The following KLHL9 variants were observed in gnomAD, a reference collection of about 807,000 sequenced individuals.
The protein encoded by KLHL9 is kelch like family member 9.
Under a neutral mutation model 42.3 loss-of-function variants are expected in KLHL9, and 27 were observed. The ratio of observed to expected loss-of-function variants is 0.64; its 90% CI spans 0.47 to 0.88. The LOEUF is 0.88. Among genes scored for constraint, KLHL9 ranks in the 40% least tolerant of loss-of-function variants. The pLI is 0.00. For missense variants in KLHL9, 629 were observed against 750.3 expected (o/e 0.84, Z 1.89); for synonymous variants, 274 against 254.4 (o/e 1.08, Z -0.73).
chr9:21,334,323 C>A lies in KLHL9; in HGVS notation c.537G>T (p.Lys179Asn), dbSNP rs1273250517. Residue 179 changes from lysine (K) to asparagine (N), a missense_variant, in exon 1 of 1, where the codon AAG becomes AAT. This residue lies in a region of KLHL9 where 351 missense variants were observed against 363.1 expected (regional missense o/e 0.97). Transcript: ENST00000359039. The surrounding 1 kb of genome is among the most constrained non-coding windows in gnomAD (Gnocchi z 5.1). ...CAGTACTCAATAAAGCAGGAAAGTT[C>A]TTCAGGATGAAATTATTAACATATT... Reference protein sequence around the residue: ...VDKYVNNFILKNFPALLSTGE... With the variant: ...VDKYVNNFILNNFPALLSTGE... The A allele has an allele frequency of 6.2e-7, 1 of 1,613,812 alleles. No homozygotes were observed. The highest frequency in any genetic ancestry group is 1.3e-5 in the African/African-American group (1 of 74,884).
Position 21,334,932 on chromosome 9 carries a change from G to A in KLHL9, c.-73C>T, listed in dbSNP as rs1042860181. On this transcript the variant is annotated 5_prime_UTR_variant, in exon 1 of 1. Transcript: ENST00000359039. The surrounding 1 kb of genome is among the most constrained non-coding windows in gnomAD (Gnocchi z 5.1). ...ATAACCGGAATGTTTTACAGGTAAC[G>A]AGGTGTCCAGAAAGAACAGAAAGCT... 2 of 1,589,396 alleles carry A rather than the reference G, an allele frequency of 1.3e-6. No homozygotes were observed. Among genetic ancestry groups the A allele is most frequent in the East Asian group, 2.2e-5 (1 of 44,502 alleles).
chr9:21,334,806 A>T lies in KLHL9; in HGVS notation c.54T>A (p.Pro18=), dbSNP rs756411627. Residue 18 remains proline (P), a synonymous_variant, in exon 1 of 1, where the codon CCT becomes CCA. Transcript: ENST00000359039. The surrounding 1 kb of genome is among the most constrained non-coding windows in gnomAD (Gnocchi z 5.1). ...GEMGVSAHLQ[P]CKAGTTRFFT... ...AAAAGCGTGTGGTTCCTGCCTTACA[A>T]GGCTGCAAATGGGCAGAGACGCCCA... 1 of 1,613,728 alleles carries T rather than the reference A, an allele frequency of 6.2e-7. No homozygotes were observed. Among genetic ancestry groups the T allele is most frequent in the Non-Finnish European group, 8.5e-7 (1 of 1,179,868 alleles).
rs1820213563 is a variant in KLHL9, at chr9:21,333,697, TTTTCA to T, written c.1158_1162del (p.Asn386LysfsTer25). On this transcript the variant is annotated frameshift_variant, in exon 1 of 1. Transcript: ENST00000359039. LOFTEE classifies it high-confidence loss of function. This position sits in a 1 kb window ranked among gnomAD's most constrained non-coding sequence, Gnocchi z 7.5. Reference sequence around the variant, plus strand: ...GGCACTCAAGTGAAAGAATGTGCGCTTTTCATTTAATGATGCAACCTGCATCCATT... The same window carrying T: ...GGCACTCAAGTGAAAGAATGTGCGCTTTTAATGATGCAACCTGCATCCATT... 1 of 1,614,246 alleles carries T rather than the reference TTTTCA, an allele frequency of 6.2e-7. No homozygotes were observed. Among genetic ancestry groups the T allele is most frequent in the Non-Finnish European group, 8.5e-7 (1 of 1,180,056 alleles).
At position 21,334,398 on chromosome 9, in the gene KLHL9, A is replaced by G; in HGVS notation, c.462T>C (p.Cys154=). 6.2e-7 allele frequency: 1 copy of G among 1,614,006 alleles called. No individual in the cohort carries two copies. The highest frequency in any genetic ancestry group is 8.5e-7 in the Non-Finnish European group (1 of 1,179,980). ...TGTTAGCAATTCGTCCAACCTCAAC[A>G]CAGTTATCCAAAGAGACTCCTGATA... The part of the protein sequence containing the change: ...FLISGVSLDN[C]VEVGRIANTY... Residue 154 remains cysteine, a synonymous_variant, in exon 1 of 1, where the codon TGT becomes TGC. Coordinates refer to ENST00000359039, the MANE Select transcript of KLHL9 (RefSeq NM_018847.4). This position sits in a 1 kb window ranked among gnomAD's most constrained non-coding sequence, Gnocchi z 5.1.
rs1463112154 is a variant in KLHL9, at chr9:21,332,976, G to T, written c.*30C>A. On this transcript the variant is annotated 3_prime_UTR_variant, in exon 1 of 1. Transcript: ENST00000359039. Reference sequence around the variant, plus strand: ...GAAGGGGAAGTATTAGATCACCCATGACGTACTGCAAAGGTGTTACACCTT... The same window carrying T: ...GAAGGGGAAGTATTAGATCACCCATTACGTACTGCAAAGGTGTTACACCTT... 1 of 1,613,670 alleles carries T rather than the reference G, an allele frequency of 6.2e-7. No individual in the cohort carries two copies. Among genetic ancestry groups the T allele is most frequent in the Non-Finnish European group, 8.5e-7 (1 of 1,179,806 alleles).
In KLHL9 at chr9:21,333,858, A is replaced by G. The variant is rs779292562; in HGVS notation, c.1002T>C (p.Asp334=). ...CAATACCATGCTGGTAACGGGGAGCATCCATTGGGGCTAAAGATCTCCATT... is the reference window on the plus strand; with the variant it reads ...CAATACCATGCTGGTAACGGGGAGCGTCCATTGGGGCTAAAGATCTCCATT... ...AQEWRSLAPM[D]APRYQHGIAV... is the part of the protein sequence containing the mutation. Residue 334 remains aspartate, a synonymous_variant, in exon 1 of 1, where the codon GAT becomes GAC. Coordinates refer to ENST00000359039, the MANE Select transcript of KLHL9 (RefSeq NM_018847.4). The surrounding 1 kb of genome is among the most constrained non-coding windows in gnomAD (Gnocchi z 7.5). 6.2e-7 allele frequency: 1 copy of G among 1,613,990 alleles called. No individual in the cohort carries two copies. Among genetic ancestry groups the G allele is most frequent in the Non-Finnish European group, 8.5e-7 (1 of 1,180,014 alleles).
chr9:21,329,779 T>A lies in KLHL9; in HGVS notation c.*3227A>T, dbSNP rs575749730. The A allele has an allele frequency of 2.2e-3, 331 of 150,204 alleles. 4 individuals carry two copies. Among genetic ancestry groups the A allele is most frequent in the African/African-American group, 7.6e-3 (313 of 41,152 alleles). The allele number at this position is 150,204 out of a possible 1,614,324, so 9.3% of individuals were successfully genotyped here. On this transcript the variant is annotated 3_prime_UTR_variant, in exon 1 of 1. Coordinates refer to ENST00000359039, the MANE Select transcript of KLHL9 (RefSeq NM_018847.4). ...ACATATGTACGTATATATATATATA[T>A]AATATACTATTAATAGAAATTATCT...
Position 21,334,585 on chromosome 9 carries a change from C to T in KLHL9, c.275G>A (p.Cys92Tyr), listed in dbSNP as rs1456840446. The T allele has an allele frequency of 6.2e-7, 1 of 1,614,130 alleles. No individual in the cohort carries two copies. The highest frequency in any genetic ancestry group is 8.5e-7 in the Non-Finnish European group (1 of 1,179,994). The change falls in exon 1 of 1, where the codon TGC (cysteine) becomes TAC (tyrosine). Residue 92 changes from cysteine (C) to tyrosine (Y), a missense_variant. Coordinates refer to ENST00000359039, the MANE Select transcript of KLHL9 (RefSeq NM_018847.4). The surrounding 1 kb of genome is among the most constrained non-coding windows in gnomAD (Gnocchi z 5.1). ...CTTGTTCACCCCATGAAGCTTAATGCACATCAAATCTTGTTCTTTCATTCC... is the reference window on the plus strand; with the variant it reads ...CTTGTTCACCCCATGAAGCTTAATGTACATCAAATCTTGTTCTTTCATTCC... The part of the protein sequence containing the change: ...TGGMKEQDLM[C>Y]IKLHGVNKVG...
Position 21,333,133 on chromosome 9 carries a change from TTA to T in KLHL9, c.1725_1726del (p.His575GlnfsTer4). 1 of 1,614,172 alleles carries T rather than the reference TTA, an allele frequency of 6.2e-7. No individual in the cohort carries two copies. Among genetic ancestry groups the T allele is most frequent in the Non-Finnish European group, 8.5e-7 (1 of 1,180,022 alleles). On this transcript the variant is annotated frameshift_variant, in exon 1 of 1. Coordinates refer to ENST00000359039, the MANE Select transcript of KLHL9 (RefSeq NM_018847.4). LOFTEE classifies it high-confidence loss of function. This position sits in a 1 kb window ranked among gnomAD's most constrained non-coding sequence, Gnocchi z 7.5. ...AAGTGACTCTGGAAGATCAAAAACTTTATGCCACTCATCTTTTTCTGGGTCAT... is the reference window on the plus strand; with the variant it reads ...AAGTGACTCTGGAAGATCAAAAACTTTGCCACTCATCTTTTTCTGGGTCAT...
Position 21,330,920 on chromosome 9 carries a change from C to CA in KLHL9, c.*2085dup, listed in dbSNP as rs201839399. On this transcript the variant is annotated 3_prime_UTR_variant, in exon 1 of 1. Transcript: ENST00000359039. ...ACTGCACAACAGTGAGACCCTGTCTCAAAAAAAAAAAAAGACAAATTTGAT... is the reference window on the plus strand; with the variant it reads ...ACTGCACAACAGTGAGACCCTGTCTCAAAAAAAAAAAAAAGACAAATTTGAT... The CA allele has an allele frequency of 0.025, 2,950 of 120,284 alleles. 76 individuals carry two copies. Among genetic ancestry groups the CA allele is most frequent in the African/African-American group, 0.077 (2,514 of 32,444 alleles). The allele number at this position is 120,284 out of a possible 1,614,324, so 7.5% of individuals were successfully genotyped here. A position where few individuals can be genotyped will look rare whatever the true frequency, so the allele number is the denominator to read the frequency against.
In KLHL9 at chr9:21,334,304, T is replaced by A. The variant is rs1252982750; in HGVS notation, c.556A>T (p.Ser186Cys). 1 of 1,614,084 alleles carries A rather than the reference T, an allele frequency of 6.2e-7. No homozygotes were observed. The highest frequency in any genetic ancestry group is 1.7e-5 in the Admixed American group (1 of 60,028). ...FILKNFPALL[S>C]TGEFLKLPFE... ...GGGAGTTTTAGAAACTCCCCAGTAC[T>A]CAATAAAGCAGGAAAGTTCTTCAGG... The change falls in exon 1 of 1, where the codon AGT becomes TGT. Residue 186 changes from serine to cysteine, a missense_variant. Ser to Cys is a moderately radical substitution (Grantham distance 112). Around this residue, in one of 4 missense-constraint regions of KLHL9, gnomAD observed 351 missense variants for 363.1 expected, o/e 0.97. Transcript: ENST00000359039. This position sits in a 1 kb window ranked among gnomAD's most constrained non-coding sequence, Gnocchi z 5.1.
chr9:21,335,190 G>A lies in KLHL9; in HGVS notation c.-331C>T. ...TCGGGCAAGGAAGAGGCGCCGCCACGTACTGTGGCTCCACGGCCCGCTCGG... is the reference window on the plus strand; with the variant it reads ...TCGGGCAAGGAAGAGGCGCCGCCACATACTGTGGCTCCACGGCCCGCTCGG... On this transcript the variant is annotated 5_prime_UTR_variant, in exon 1 of 1. The change creates a new upstream start codon in the 5' untranslated region. Transcript: ENST00000359039. The A allele has an allele frequency of 2.0e-6, 1 of 507,938 alleles. No homozygotes were observed. The highest frequency in any genetic ancestry group is 3.5e-6 in the Non-Finnish European group (1 of 281,710). The allele number at this position is 507,938 out of a possible 1,614,324, so 31.5% of individuals were successfully genotyped here. A position where few individuals can be genotyped will look rare whatever the true frequency, so the allele number is the denominator to read the frequency against.
Position 21,335,075 on chromosome 9 carries a change from T to A in KLHL9, c.-216A>T. 1.6e-6 allele frequency: 1 copy of A among 609,452 alleles called. No individual in the cohort carries two copies. Among genetic ancestry groups the A allele is most frequent in the East Asian group, 2.8e-5 (1 of 35,380 alleles). The allele number at this position is 609,452 out of a possible 1,614,324, so 37.8% of individuals were successfully genotyped here. On this transcript the variant is annotated 5_prime_UTR_variant, in exon 1 of 1. Transcript: ENST00000359039. The stretch of plus-strand genomic sequence containing the variant: ...AAGGGCTGTGGACCTCAAATCTGAT[T>A]ATTAGACAGATGATTCATCACCTGA...
chr9:21,331,229 T>C lies in KLHL9; in HGVS notation c.*1777A>G, dbSNP rs572574474. ...TTCAATAAAGTTAATAATTTCTAATTTTTCTACTTTTCAAATGTACTCAAA... is the reference window on the plus strand; with the variant it reads ...TTCAATAAAGTTAATAATTTCTAATCTTTCTACTTTTCAAATGTACTCAAA... On this transcript the variant is annotated 3_prime_UTR_variant, in exon 1 of 1. Coordinates refer to ENST00000359039, the MANE Select transcript of KLHL9 (RefSeq NM_018847.4). 5.9e-5 allele frequency: 9 copies of C among 152,626 alleles called. No homozygotes were observed. In the South Asian group the frequency reaches 1.9e-3, roughly 32 times the overall value. The allele number at this position is 152,626 out of a possible 1,614,324, so 9.5% of individuals were successfully genotyped here.
rs1820142382 is a variant in KLHL9, at chr9:21,329,976, T to C, written c.*3030A>G. On this transcript the variant is annotated 3_prime_UTR_variant, in exon 1 of 1. Transcript: ENST00000359039. ...CTTTTAGTTTTTATCCTCTAAATAT[T>C]TTTCCAGTCTGAACTTTCTTTAAAA... is the stretch of plus-strand genomic sequence containing the variant. 6.6e-6 allele frequency: 1 copy of C among 151,856 alleles called. No homozygotes were observed. The highest frequency in any genetic ancestry group is 1.5e-5 in the Non-Finnish European group (1 of 67,904). 9.4% of individuals were successfully genotyped at this position (151,856 alleles called of 1,614,324 possible). A position where few individuals can be genotyped will look rare whatever the true frequency, so the allele number is the denominator to read the frequency against.
chr9:21,329,903 A>T lies in KLHL9; in HGVS notation c.*3103T>A, dbSNP rs1270467463. On this transcript the variant is annotated 3_prime_UTR_variant, in exon 1 of 1. Coordinates refer to ENST00000359039, the MANE Select transcript of KLHL9 (RefSeq NM_018847.4). ...AGCTAACAAATGTTAATTTTTGAAT[A>T]CTTTCCGAAAAACTAAAACAAGAAA... 6.6e-6 allele frequency: 1 copy of T among 152,144 alleles called. No homozygotes were observed. Among genetic ancestry groups the T allele is most frequent in the Non-Finnish European group, 1.5e-5 (1 of 68,004 alleles). 9.4% of individuals were successfully genotyped at this position (152,144 alleles called of 1,614,324 possible).
In KLHL9 at chr9:21,332,596, A is replaced by C. The variant is rs1820192574; in HGVS notation, c.*410T>G. On this transcript the variant is annotated 3_prime_UTR_variant, in exon 1 of 1. Transcript: ENST00000359039. ...TCGAGTAAGTTGACAGACATGACAAAAACTACGAAAAGAGGGAGGTAACTA... is the reference window on the plus strand; with the variant it reads ...TCGAGTAAGTTGACAGACATGACAACAACTACGAAAAGAGGGAGGTAACTA... 2 of 170,630 alleles carry C rather than the reference A, an allele frequency of 1.2e-5. No homozygotes were observed. The highest frequency in any genetic ancestry group is 1.1e-4 in the Admixed American group (2 of 17,886). 10.6% of individuals were successfully genotyped at this position (170,630 alleles called of 1,614,324 possible).
chr9:21,334,521 T>C lies in KLHL9; in HGVS notation c.339A>G (p.Ala113=), dbSNP rs1283620816. ...LKKIIDFIYT[A]KLSLNMDNLQ... is the part of the protein sequence containing the mutation. ...GATTGTCCATATTAAGAGAAAGTTT[T>C]GCAGTATAAATAAAATCAATGATTT... The change falls in exon 1 of 1, where the codon GCA becomes GCG. Residue 113 remains alanine, a synonymous_variant. Transcript: ENST00000359039. This position sits in a 1 kb window ranked among gnomAD's most constrained non-coding sequence, Gnocchi z 5.1. 3 of 1,614,070 alleles carry C rather than the reference T, an allele frequency of 1.9e-6. No individual in the cohort carries two copies. The African/African-American group carries it at 4.0e-5, about 22-fold the overall frequency.
Position 21,333,470 on chromosome 9 carries a change from T to C in KLHL9, c.1390A>G (p.Met464Val). 3 of 1,614,232 alleles carry C rather than the reference T, an allele frequency of 1.9e-6. No homozygotes were observed. Among genetic ancestry groups the C allele is most frequent in the East Asian group, 2.2e-5 (1 of 44,886 alleles). The part of the protein sequence containing the change: ...ITHDTFQNEL[M>V]CFDPDTDKWM... Reference sequence around the variant, plus strand: ...TTATCTGTATCTGGGTCAAAACACATGAGCTCATTTTGGAAAGTGTCATGG... The same window carrying C: ...TTATCTGTATCTGGGTCAAAACACACGAGCTCATTTTGGAAAGTGTCATGG... The change falls in exon 1 of 1, where the codon ATG (methionine) becomes GTG (valine). Residue 464 changes from methionine (M) to valine (V), a missense_variant. Physicochemically the swap from Met to Val is conservative, Grantham distance 21 (BLOSUM62 1). Around this residue, in one of 4 missense-constraint regions of KLHL9, gnomAD observed 214 missense variants for 305.8 expected, o/e 0.70. Coordinates refer to ENST00000359039, the MANE Select transcript of KLHL9 (RefSeq NM_018847.4). The surrounding 1 kb of genome is among the most constrained non-coding windows in gnomAD (Gnocchi z 7.5).
Sources: gnomAD v4.1 joint callset for allele counts on GRCh38, gnomAD v4.1.1 for gene constraint, gnomAD v4.1.1 regional missense constraint, Gnocchi (gnomAD v3.1) non-coding constraint, MANE v1.5 for transcripts, NCBI Gene and HGNC (gene_info 2026-07-23, HGNC 2026-07-21) for gene names.